XKR9: variants seen among roughly 807,000 people sequenced by gnomAD.
XKR9 encodes the protein XK-related protein 9.
XKR9 carries 32 observed loss-of-function variants against 32.0 expected under a neutral mutation model. That is an observed-to-expected ratio of 1.00 (90% CI 0.76 to 1.34). The LOEUF (loss-of-function observed/expected upper bound fraction) is 1.34, where lower values mean the gene tolerates loss of function less well. XKR9 is among the 40% of genes most tolerant of loss of function. The pLI is 0.00. For synonymous variants in XKR9, 168 were observed against 143.4 expected (o/e 1.17, Z -1.22); for missense variants, 546 against 429.7 (o/e 1.27, Z -2.39).
the XKR9 span, among the ~76,000 whole-genome samples, chr8:70,914,730 G>T: frequency 1.3e-5 from 2 of 152,008 alleles, no homozygotes; most frequent in African/African-American, 2.4e-5. Context: ...TTTTAATTAA[G>T]CCCAATTTAT....
chr8:70,755,040 C>A (rs1807199312), intron 2 of XKR9, among the ~76,000 whole-genome samples: 1 of 152,096 alleles, frequency 6.6e-6, no homozygotes, highest in Non-Finnish European at 1.5e-5. Flanking sequence ...TATCCAGAAT[C>A]TACAATGAAC....
the XKR9 span, among the ~76,000 whole-genome samples, chr8:70,805,726 A>G: frequency 1.3e-4 from 20 of 152,180 alleles, no homozygotes; most frequent in Admixed American, 9.8e-4. Flanking sequence ...AACTCCAGCC[A>G]GAGGCTCCCG....
At chr8:70,886,319 T>C in the XKR9 span, among the ~76,000 whole-genome samples, 1 of 152,228 alleles carries the variant, frequency 6.6e-6, no homozygotes, top group African/African-American at 2.4e-5. Context: ...ATTCCAAGTC[T>C]TTGCTATTGT....
chr8:70,919,034 C>T, the XKR9 span, among the ~76,000 whole-genome samples: 1 of 152,000 alleles, frequency 6.6e-6, no homozygotes, highest in Non-Finnish European at 1.5e-5. Flanking sequence ...ACCTCTGCCT[C>T]CCAAAGTGCT....
chr8:71,039,832 T>C, the XKR9 span, among the ~76,000 whole-genome samples: 1 of 152,132 alleles, frequency 6.6e-6, no homozygotes, highest in South Asian at 2.1e-4. Context: ...AGAATAAAAG[T>C]GCTCTTTTTG....
chr8:70,785,814 A>T (rs1807680895), intron 2 of XKR9, among the ~76,000 whole-genome samples: 1 of 148,812 alleles, frequency 6.7e-6, no homozygotes, highest in Admixed American at 6.8e-5. Context: ...CATACAACAT[A>T]CCTAAATTTA....
At chr8:70,948,014 CT>C in the XKR9 span, among the ~76,000 whole-genome samples, 4 of 152,164 alleles carry the variant, frequency 2.6e-5, no homozygotes, top group African/African-American at 7.2e-5. Flanking sequence ...GATTTTGCCC[CT>C]GGCAAGATAA....
the XKR9 span, among the ~76,000 whole-genome samples, chr8:71,039,798 G>A: frequency 2.6e-5 from 4 of 152,108 alleles, no homozygotes; most frequent in African/African-American, 9.7e-5. Flanking sequence ...TGGGGAAGGG[G>A]ATTGTGATGA....
chr8:70,971,365 C>A, the XKR9 span, among the ~76,000 whole-genome samples: 1 of 151,608 alleles, frequency 6.6e-6, no homozygotes, highest in Non-Finnish European at 1.5e-5. Flanking sequence ...GGTATTAGTC[C>A]TTTGTTGGAT....
At chr8:70,877,735 T>G in the XKR9 span, among the ~76,000 whole-genome samples, 1 of 152,138 alleles carries the variant, frequency 6.6e-6, no homozygotes, top group Non-Finnish European at 1.5e-5. Flanking sequence ...TGGAAAACAC[T>G]CTGCAGGATA....
the XKR9 span, among the ~76,000 whole-genome samples, chr8:70,969,447 C>G: frequency 6.6e-6 from 1 of 152,160 alleles, no homozygotes; most frequent in Non-Finnish European, 1.5e-5. Context: ...TTCAGACCAA[C>G]AAGCCATGGA....
intron 2 of XKR9, among the ~76,000 whole-genome samples, chr8:70,773,334 G>T (rs1367164822): frequency 2.0e-5 from 3 of 152,178 alleles, no homozygotes; most frequent in African/African-American, 7.2e-5. Flanking sequence ...TAACAAATTG[G>T]TTCTGTCAAT....
the XKR9 span, among the ~76,000 whole-genome samples, chr8:71,020,288 G>A: frequency 2.0e-5 from 3 of 152,136 alleles, no homozygotes; most frequent in African/African-American, 7.2e-5. Flanking sequence ...ATTCCCATAT[G>A]GCCTAGGTCA....
chr8:70,858,501 A>G, the XKR9 span, among the ~76,000 whole-genome samples: 1 of 151,892 alleles, frequency 6.6e-6, no homozygotes, highest in East Asian at 1.9e-4. Context: ...CAGAAATAGA[A>G]AAAAAATCTT....
the XKR9 span, among the ~76,000 whole-genome samples, chr8:70,911,404 T>C: frequency 3.3e-5 from 5 of 152,220 alleles, no homozygotes; most frequent in East Asian, 9.6e-4. Flanking sequence ...GTATTTTTGA[T>C]GGTGCAGTTA....
At chr8:70,832,089 C>T in the XKR9 span, among the ~76,000 whole-genome samples, 1 of 152,276 alleles carries the variant, frequency 6.6e-6, no homozygotes, top group Non-Finnish European at 1.5e-5. Context: ...GCTTGATAGC[C>T]ATCTATTCAC....
At chr8:71,030,073 C>T in the XKR9 span, among the ~76,000 whole-genome samples, 1 of 151,920 alleles carries the variant, frequency 6.6e-6, no homozygotes, top group Non-Finnish European at 1.5e-5. Flanking sequence ...TATATAGGAC[C>T]TAAGCCAGGA....
chr8:70,916,850 TA>T, the XKR9 span, among the ~76,000 whole-genome samples: 3 of 152,036 alleles, frequency 2.0e-5, no homozygotes, highest in Admixed American at 2.0e-4. Context: ...CAATACTTTA[TA>T]TCTTTCTGTG....
Position 70,734,002 on chromosome 8 carries a change from C to T in XKR9, c.700C>T (p.Leu234=), listed in dbSNP as rs1458610839. The change falls in exon 5 of 5, where the codon CTG becomes TTG. Residue 234 remains leucine, a synonymous_variant. Transcript: ENST00000408926. ...CTTAAATGTTAAGATTGCTTTATTT[C>T]TGTTGTTATTTCTTTGGTTGTTAGG... ...LFLNVKIALF[L]LLFLWLLGII... The T allele has an allele frequency of 4.3e-6, 7 of 1,612,396 alleles. No homozygotes were observed. The East Asian group carries it at 1.3e-4, about 31-fold the overall frequency.
Sources: allele counts gnomAD v4.1 joint callset (sites outside exome capture counted in the v4.1 genomes callset), GRCh38; gene constraint gnomAD v4.1.1; transcripts MANE v1.5; gene names NCBI Gene and HGNC (gene_info 2026-07-23, HGNC 2026-07-21).